The following TRIO variants were observed in gnomAD, a reference collection of about 807,000 sequenced individuals.
TRIO encodes triple functional domain protein.
In TRIO, 58 loss-of-function variants were observed where a neutral mutation model predicts 351.9. That is an observed-to-expected ratio of 0.16 (90% confidence interval 0.13 to 0.21). The LOEUF (loss-of-function observed/expected upper bound fraction) is 0.21, where lower values mean the gene tolerates loss of function less well. Among genes scored for constraint, TRIO ranks in the 10% least tolerant of loss-of-function variants. The probability of loss-of-function intolerance (pLI) is 1.00; values close to 1 mark genes in which losing one functional copy is unlikely to be tolerated. For missense variants in TRIO, 3,201 were observed against 4,027.8 expected (o/e 0.79, Z 5.56); for synonymous variants, 1,758 against 1,595.7 (o/e 1.10, Z -2.42).
At chr5:14,154,090 T>A (rs1277140380) in intron 1 of TRIO, among the ~76,000 whole-genome samples, 1 of 152,168 alleles carries the variant, frequency 6.6e-6, no homozygotes, top group African/African-American at 2.4e-5. Flanking sequence ...TCTGTTGAGT[T>A]TTACAGGCTC....
intron 39 of TRIO, among the ~76,000 whole-genome samples, chr5:14,473,232 C>T (rs1754811520): frequency 6.6e-6 from 1 of 152,278 alleles, no homozygotes; most frequent in Non-Finnish European, 1.5e-5. Context: ...TAGGCTAATC[C>T]CTGCCAGTCA....
chr5:14,388,261 G>T (rs943456889), intron 23 of TRIO, among the ~76,000 whole-genome samples: 1 of 152,148 alleles, frequency 6.6e-6, no homozygotes, highest in Non-Finnish European at 1.5e-5. Context: ...GGGACACTTT[G>T]GTTGTCACAG....
chr5:14,466,677 A>G (rs1413953390), intron 37 of TRIO, among the ~76,000 whole-genome samples: 3 of 152,234 alleles, frequency 2.0e-5, no homozygotes, highest in South Asian at 2.1e-4. Flanking sequence ...TGTCTCAGCA[A>G]TCCATTCTCC....
chr5:14,184,158 G>A (rs1168614343), intron 1 of TRIO, among the ~76,000 whole-genome samples: 2 of 152,190 alleles, frequency 1.3e-5, no homozygotes, highest in Non-Finnish European at 2.9e-5. Flanking sequence ...GGCTAGTAAC[G>A]AAACGCCTTG....
chr5:14,381,001 T>G (rs904258148), intron 20 of TRIO, 129 bp from the exon 21 acceptor site: 2 of 1,275,922 alleles, frequency 1.6e-6, no homozygotes. Flanking sequence ...CTTGCCTCTC[T>G]GGGAGGGAAT....
intron 1 of TRIO, among the ~76,000 whole-genome samples, chr5:14,202,015 G>GT (rs1239915823): frequency 1.3e-5 from 2 of 151,664 alleles, no homozygotes; most frequent in Non-Finnish European, 2.9e-5. Flanking sequence ...TATACCTAAT[G>GT]TAAATGACGA....
chr5:14,148,906 G>A (rs1029827725), intron 1 of TRIO, among the ~76,000 whole-genome samples: 21 of 152,202 alleles, frequency 1.4e-4, no homozygotes, highest in African/African-American at 4.3e-4. Flanking sequence ...AGGGGTAAGC[G>A]GGTTCGATGT....
chr5:14,208,453 A>T (rs1005154790), intron 1 of TRIO, among the ~76,000 whole-genome samples: 5 of 152,246 alleles, frequency 3.3e-5, no homozygotes, highest in African/African-American at 1.2e-4. Context: ...AATTTCCAGA[A>T]AAAGCCAAAT....
At chr5:14,269,504 G>A (rs1349965453) in intron 1 of TRIO, among the ~76,000 whole-genome samples, 2 of 152,062 alleles carry the variant, frequency 1.3e-5, no homozygotes, top group African/African-American at 4.8e-5. Context: ...TCCTTAGCAG[G>A]GCTGCTTGGA....
intron 48 of TRIO, among the ~76,000 whole-genome samples, chr5:14,489,564 C>T (rs540934941): frequency 4.6e-5 from 7 of 152,350 alleles, no homozygotes; most frequent in Non-Finnish European, 1.0e-4. Context: ...ATAGCTGTGA[C>T]CCTCGCTGAA....
chr5:14,173,594 T>TC (rs1216094666), intron 1 of TRIO, among the ~76,000 whole-genome samples: 1 of 152,092 alleles, frequency 6.6e-6, no homozygotes, highest in African/African-American at 2.4e-5. Flanking sequence ...CCACTGTTTT[T>TC]TGTTTTGTTT....
Position 14,504,524 on chromosome 5 carries a change from A to G in TRIO, c.8543A>G (p.Gln2848Arg). The G allele has an allele frequency of 1.9e-6, 3 of 1,614,154 alleles. No individual in the cohort carries two copies. Among genetic ancestry groups the G allele is most frequent in the Middle Eastern group, 3.3e-4 (2 of 6,062 alleles). ...THELGILQSL[Q>R]HPLLVGLLDT... Reference sequence around the variant, plus strand: ...GAGCTTGGCATCCTGCAGAGCCTCCAGCACCCCCTGCTTGTCGGCCTCCTC... The same window carrying G: ...GAGCTTGGCATCCTGCAGAGCCTCCGGCACCCCCTGCTTGTCGGCCTCCTC... The change falls in exon 55 of 57, where the codon CAG (glutamine) becomes CGG (arginine). Residue 2848 changes from glutamine (Q) to arginine (R), a missense_variant. Around this residue, in one of 19 missense-constraint regions of TRIO, gnomAD observed 1,089 missense variants for 954.9 expected, o/e 1.14. Transcript: ENST00000344204.
At chr5:14,173,598 T>G (rs1789236092) in intron 1 of TRIO, among the ~76,000 whole-genome samples, 1 of 152,140 alleles carries the variant, frequency 6.6e-6, no homozygotes, top group Admixed American at 6.5e-5. Flanking sequence ...TGTTTTTTGT[T>G]TTGTTTTTTG....
chr5:14,375,399 G>A (rs1219777536), intron 19 of TRIO, among the ~76,000 whole-genome samples: 2 of 152,136 alleles, frequency 1.3e-5, no homozygotes, highest in Non-Finnish European at 2.9e-5. Flanking sequence ...TTTTTAGGTT[G>A]CGCTAGTTTG....
At chr5:14,173,503 C>T (rs565617801) in intron 1 of TRIO, among the ~76,000 whole-genome samples, 3 of 152,086 alleles carry the variant, frequency 2.0e-5, no homozygotes, top group Admixed American at 6.5e-5. Context: ...TGAGTCACCG[C>T]GCCTGGCCTG....
intron 18 of TRIO, among the ~76,000 whole-genome samples, chr5:14,372,331 C>T (rs419154): frequency 0.4 from 60,464 of 150,888 alleles, 14,446 homozygotes; most frequent in East Asian, 0.6. Context: ...TATGGGATTA[C>T]TCAGGAGACA....
chr5:14,367,063 T>C, intron 16 of TRIO, 84 bp downstream of exon 16: 1 of 1,571,872 alleles, frequency 6.4e-7, no homozygotes, highest in Non-Finnish European at 8.6e-7. Flanking sequence ...GCACTGACCA[T>C]GGGAACCACA....
At chr5:14,418,457 C>A (rs1347511552) in intron 33 of TRIO, among the ~76,000 whole-genome samples, 1 of 152,206 alleles carries the variant, frequency 6.6e-6, no homozygotes, top group South Asian at 2.1e-4. Flanking sequence ...ATCGGAGAGC[C>A]GCGCAACATC....
intron 34 of TRIO, among the ~76,000 whole-genome samples, chr5:14,429,919 G>C (rs1401737297): frequency 6.6e-6 from 1 of 152,124 alleles, no homozygotes; most frequent in Non-Finnish European, 1.5e-5. Context: ...CCAGTACCTA[G>C]AGACCTGCTT....
Sources: gnomAD v4.1 joint callset for allele counts (sites outside exome capture counted in the v4.1 genomes callset) on GRCh38, gnomAD v4.1.1 for gene constraint, gnomAD v4.1.1 regional missense constraint, MANE v1.5 for transcripts, NCBI Gene and HGNC (gene_info 2026-07-23, HGNC 2026-07-21) for gene names.